The following CRTC3 variants were observed in gnomAD, a reference collection of about 807,000 sequenced individuals.
CRTC3 encodes CREB-regulated transcription coactivator 3.
In CRTC3, 26 loss-of-function variants were observed where a neutral mutation model predicts 74.5. That is an observed-to-expected ratio of 0.35 (90% CI 0.26 to 0.48). The LOEUF (loss-of-function observed/expected upper bound fraction) is 0.48, where lower values mean the gene tolerates loss of function less well. Ranked by LOEUF, CRTC3 falls within the 20% of genes least tolerant of loss-of-function variation. The probability of loss-of-function intolerance (pLI) is 0.99; values close to 1 mark genes in which losing one functional copy is unlikely to be tolerated. For missense variants in CRTC3, 760 were observed against 787.3 expected (o/e 0.97, Z 0.41); for synonymous variants, 377 against 325.8 (o/e 1.16, Z -1.69).
At chr15:90,594,689 C>G (rs1300535085) in intron 3 of CRTC3, 1 of 152,174 alleles carries the variant, frequency 6.6e-6, no homozygotes, top group African/African-American at 2.4e-5. Flanking sequence ...TTATGTGTCA[C>G]TTAGTCCTCA....
rs369786544 is a variant in CRTC3, at chr15:90,582,590, C to T, written c.232-11046C>T. ...TTTATATCCCCAATTTGGGTATGTT[C>T]TTTGTTTTTTAAATTATGTACATAT... On this transcript the variant is annotated intron_variant, in intron 2 of 14. Coordinates refer to ENST00000268184, the MANE Select transcript of CRTC3 (RefSeq NM_022769.5). 8.5e-5 allele frequency among the ~76,000 whole-genome samples: 13 copies of T among 152,100 alleles called. No homozygotes were observed. In the East Asian group the frequency reaches 9.6e-4, roughly 11 times the overall value.
chr15:90,638,992 G>C (rs1969341776), intron 13 of CRTC3, among the ~76,000 whole-genome samples, 177 bp downstream of exon 13: 1 of 152,196 alleles, frequency 6.6e-6, no homozygotes, highest in Admixed American at 6.5e-5. Context: ...TTCTCTGGCT[G>C]CCTTATTTAG....
chr15:90,638,283 GAT>G (rs1969311363), intron 11 of CRTC3, 161 bp from the exon 12 acceptor site: 1 of 593,088 alleles, frequency 1.7e-6, no homozygotes, highest in African/African-American at 1.9e-5. Context: ...TAAAATTTGA[GAT>G]ATACTTTGAA....
In CRTC3 at chr15:90,642,009, A is replaced by G. The variant is rs1296418867; in HGVS notation, c.1729A>G (p.Thr577Ala). The change falls in exon 15 of 15, where the codon ACT becomes GCT. Residue 577 changes from threonine (T) to alanine (A), a missense_variant. By Grantham distance (58) the Thr-to-Ala change is moderately conservative (BLOSUM62 0). Transcript: ENST00000268184. ...GCCTGAGGTCAGCCTGAACGTGGAC[A>G]CTCCATTTCCACTGGAAGAGGAGCT... is the stretch of plus-strand genomic sequence containing the variant. The part of the protein sequence containing the change: ...GLPEVSLNVD[T>A]PFPLEEELQI... The G allele has an allele frequency of 6.2e-7, 1 of 1,613,548 alleles. No homozygotes were observed. Among genetic ancestry groups the G allele is most frequent in the Non-Finnish European group, 8.5e-7 (1 of 1,179,948 alleles).
At chr15:90,593,983 T>C (rs914657150) in intron 3 of CRTC3, 9 of 401,586 alleles carry the variant, frequency 2.2e-5, no homozygotes, top group Non-Finnish European at 4.4e-6. Context: ...TTTAATGAAA[T>C]AACAACAAAA....
chr15:90,634,807 A>G, intron 11 of CRTC3: 7 of 1,437,396 alleles, frequency 4.9e-6, no homozygotes, highest in Non-Finnish European at 6.8e-6. Flanking sequence ...ACTGTAACCA[A>G]AGGAGGCATT....
At chr15:90,625,402 CAG>C (rs1968798550) in intron 9 of CRTC3, among the ~76,000 whole-genome samples, 2 of 152,352 alleles carry the variant, frequency 1.3e-5, no homozygotes, top group East Asian at 1.9e-4. Context: ...GCTAGTTACT[CAG>C]AGATACTTTT....
chr15:90,607,508 G>C, intron 6 of CRTC3, 30 bp downstream of exon 6: 5 of 1,340,126 alleles, frequency 3.7e-6, no homozygotes, highest in Non-Finnish European at 5.3e-6. Context: ...GCTGACAGCA[G>C]CTGTGCTTGC....
At chr15:90,536,306 C>T (rs1256772332) in intron 1 of CRTC3, among the ~76,000 whole-genome samples, 2 of 151,142 alleles carry the variant, frequency 1.3e-5, no homozygotes, top group East Asian at 2.0e-4. Context: ...GAGGCTGAGG[C>T]GGGTAGATAG....
intron 2 of CRTC3, among the ~76,000 whole-genome samples, chr15:90,571,061 AT>A (rs1469650585): frequency 1.3e-5 from 2 of 152,148 alleles, no homozygotes; most frequent in Admixed American, 6.6e-5. Context: ...ATGTGGTTAT[AT>A]TTTTTTAATA....
chr15:90,547,671 T>C (rs771210686), intron 2 of CRTC3, among the ~76,000 whole-genome samples: 16 of 152,090 alleles, frequency 1.1e-4, no homozygotes, highest in Non-Finnish European at 2.2e-4. Context: ...CTGGCACACA[T>C]ACACTGAGGG....
At chr15:90,614,711 T>C (rs1446846915) in intron 7 of CRTC3, among the ~76,000 whole-genome samples, 1 of 152,162 alleles carries the variant, frequency 6.6e-6, no homozygotes, top group African/African-American at 2.4e-5. Flanking sequence ...TTCCTTTTTA[T>C]CTAGGTCCCC....
intron 2 of CRTC3, among the ~76,000 whole-genome samples, chr15:90,566,988 G>T (rs1450482850): frequency 6.6e-6 from 1 of 152,094 alleles, no homozygotes; most frequent in Non-Finnish European, 1.5e-5. Context: ...TGGGATTGCA[G>T]GTGTGAGCCA....
At position 90,555,121 on chromosome 15, in the gene CRTC3, C is replaced by T. The variant is rs181523261; in HGVS notation, c.231+14984C>T. 4.6e-5 allele frequency among the ~76,000 whole-genome samples: 7 copies of T among 152,188 alleles called. No individual in the cohort carries two copies. The East Asian group carries it at 1.4e-3, about 29-fold the overall frequency. On this transcript the variant is annotated intron_variant, in intron 2 of 14. Coordinates refer to ENST00000268184, the MANE Select transcript of CRTC3 (RefSeq NM_022769.5). ...GAAAACAAATTTGAGAGTTGCTGGC[C>T]TTAGGGTGCTGTCATTTCTGCTGCA...
intron 2 of CRTC3, among the ~76,000 whole-genome samples, chr15:90,571,437 A>C (rs1967262441): frequency 6.6e-6 from 1 of 152,172 alleles, no homozygotes; most frequent in Non-Finnish European, 1.5e-5. Context: ...GGAGGAACTG[A>C]AAGTTTGGTG....
At chr15:90,585,765 C>T (rs1387557898) in intron 2 of CRTC3, among the ~76,000 whole-genome samples, 1 of 152,220 alleles carries the variant, frequency 6.6e-6, no homozygotes, top group Non-Finnish European at 1.5e-5. Flanking sequence ...CAGTTCCCTT[C>T]CTTTGCCTAT....
rs181771272 is a variant in CRTC3, at chr15:90,623,635, T to C, written c.750-2141T>C. On this transcript the variant is annotated intron_variant, in intron 9 of 14. Transcript: ENST00000268184. Reference sequence around the variant, plus strand: ...CCTCTCCACCTCCAGGCCTGCTCCGTGCACCCCAAGACCCCTTCCCCAAGT... The same window carrying C: ...CCTCTCCACCTCCAGGCCTGCTCCGCGCACCCCAAGACCCCTTCCCCAAGT... Among the ~76,000 whole-genome samples the C allele has an allele frequency of 3.2e-3, 494 of 152,260 alleles. 3 individuals are homozygous for C. The highest frequency in any genetic ancestry group is 0.012 in the African/African-American group (483 of 41,534).
At chr15:90,531,218 C>T (rs1350539277) in intron 1 of CRTC3, among the ~76,000 whole-genome samples, 1 of 152,100 alleles carries the variant, frequency 6.6e-6, no homozygotes, top group Non-Finnish European at 1.5e-5. Flanking sequence ...TGGAAGACTT[C>T]CACACAAAAT....
chr15:90,589,149 C>T (rs1427738269), intron 2 of CRTC3, among the ~76,000 whole-genome samples: 7 of 149,108 alleles, frequency 4.7e-5, no homozygotes, highest in East Asian at 2.0e-4. Context: ...CTCCGCCTCC[C>T]GGGTTCAAGC....
Sources: gnomAD v4.1 joint callset for allele counts (sites outside exome capture counted in the v4.1 genomes callset) on GRCh38, gnomAD v4.1.1 for gene constraint, MANE v1.5 for transcripts, NCBI Gene and HGNC (gene_info 2026-07-23, HGNC 2026-07-21) for gene names.